ANKRD10: variants seen among roughly 807,000 people sequenced by gnomAD.
ANKRD10 encodes the protein ankyrin repeat domain 10.
A neutral mutation model predicts 27.0 loss-of-function variants in ANKRD10; 14 were observed. The observed-to-expected ratio is 0.52, with a 90% CI of 0.34 to 0.81. ANKRD10 has a LOEUF of 0.81. Among genes scored for constraint, ANKRD10 ranks in the 40% least tolerant of loss-of-function variants. The probability of loss-of-function intolerance (pLI) is 0.01; values close to 1 mark genes in which losing one functional copy is unlikely to be tolerated. For synonymous variants in ANKRD10, 250 were observed against 224.5 expected (o/e 1.11, Z -1.01); for missense variants, 493 against 544.0 (o/e 0.91, Z 0.93).
chr13:110,880,207 TTA>T (rs532775522), intron 5 of ANKRD10, 95 bp from the exon 6 acceptor site: 9 of 1,097,344 alleles, frequency 8.2e-6, no homozygotes, highest in Middle Eastern at 2.2e-4. Flanking sequence ...TTAAAGAATT[TTA>T]GTTTCTTTTT....
intron 2 of ANKRD10, 91 bp downstream of exon 2, chr13:110,910,523 CTAAT>C (rs1408270918): frequency 2.4e-5 from 35 of 1,472,096 alleles, no homozygotes; most frequent in Non-Finnish European, 3.1e-5. Flanking sequence ...ATATCAAACT[CTAAT>C]TAAGGCCTCG....
intron 4 of ANKRD10, 79 bp downstream of exon 4, chr13:110,892,949 G>A (rs562751034): frequency 6.4e-7 from 1 of 1,557,470 alleles, no homozygotes; most frequent in East Asian, 2.3e-5. Context: ...CATCTCGAAG[G>A]TGCGCTCAGC....
intron 3 of ANKRD10, among the ~76,000 whole-genome samples, chr13:110,902,297 AAT>A (rs1666281715): frequency 6.6e-6 from 1 of 152,226 alleles, no homozygotes. Flanking sequence ...ATTTAACACT[AAT>A]ATTAAATATG....
At chr13:110,898,772 TGAGACGGAGTTTCACTC>T (rs2065301537) in intron 3 of ANKRD10, among the ~76,000 whole-genome samples, 1 of 108,454 alleles carries the variant, frequency 9.2e-6, no homozygotes, top group Non-Finnish European at 2.1e-5. Context: ...TTTTTTTTTT[TGAGACGGAGTTTCACTC>T]TTGTTGCCTA....
chr13:110,906,078 C>A lies in ANKRD10; in HGVS notation c.410G>T (p.Ser137Ile). The part of the protein sequence containing the change: ...TPIHKAARSG[S>I]LECISALVAN... ...CACAAGGGCACTGATGCATTCTAGG[C>A]TCCCAGAGCGAGCTGCCTTGTGAAT... Residue 137 changes from serine to isoleucine, a missense_variant, in exon 3 of 6, where the codon AGC (serine) becomes ATC (isoleucine). By Grantham distance (142) the Ser-to-Ile change is moderately radical. Transcript: ENST00000267339. The A allele has an allele frequency of 6.2e-7, 1 of 1,605,040 alleles. No individual in the cohort carries two copies. The highest frequency in any genetic ancestry group is 8.5e-7 in the Non-Finnish European group (1 of 1,175,222).
chr13:110,879,783 A>G lies in ANKRD10; in HGVS notation c.1117T>C (p.Tyr373His). The G allele has an allele frequency of 6.2e-7, 1 of 1,614,242 alleles. No individual in the cohort carries two copies. Among genetic ancestry groups the G allele is most frequent in the Non-Finnish European group, 8.5e-7 (1 of 1,180,034 alleles). ...CCAAACCCGTGGTAGTGTCCATAGT[A>G]CAGGTTATCCCCAATGTCTTCCACC... ...SWVEDIGDNL[Y>H]YGHYHGFGDT... The change falls in exon 6 of 6, where the codon TAC becomes CAC. Residue 373 changes from tyrosine (Y) to histidine (H), a missense_variant. By Grantham distance (83) the Tyr-to-His change is moderately conservative (BLOSUM62 2). Transcript: ENST00000267339.
intron 2 of ANKRD10, among the ~76,000 whole-genome samples, chr13:110,908,219 A>T (rs190994757): frequency 1.2e-3 from 188 of 152,296 alleles, no homozygotes; most frequent in Middle Eastern, 0.01. Flanking sequence ...CATAAAGAAA[A>T]ATTTCATTTC....
chr13:110,913,041 G>GT (rs1467088600), intron 1 of ANKRD10, among the ~76,000 whole-genome samples: 1 of 152,222 alleles, frequency 6.6e-6, no homozygotes, highest in Non-Finnish European at 1.5e-5. Context: ...TTCAGTCGGT[G>GT]TTTTTTAAAA....
chr13:110,913,291 G>A (rs2065773926), intron 1 of ANKRD10, among the ~76,000 whole-genome samples: 1 of 152,334 alleles, frequency 6.6e-6, no homozygotes, highest in South Asian at 2.1e-4. Flanking sequence ...AGACACTCTG[G>A]AGGGAGGAAA....
At chr13:110,914,555 C>T (rs1446974072) in intron 1 of ANKRD10, 170 bp downstream of exon 1, 7 of 965,188 alleles carry the variant, frequency 7.3e-6, no homozygotes, top group East Asian at 6.7e-5. Context: ...GACTCCGGGC[C>T]GCGAGCGCTG....
intron 2 of ANKRD10, 69 bp downstream of exon 2, chr13:110,910,549 T>C (rs1566496140): frequency 6.4e-7 from 1 of 1,573,422 alleles, no homozygotes; most frequent in East Asian, 2.2e-5. Context: ...TTTAAAGCAA[T>C]ACCGTGTATA....
intron 3 of ANKRD10, among the ~76,000 whole-genome samples, chr13:110,897,569 C>A (rs2065262874): frequency 1.3e-5 from 2 of 152,038 alleles, no homozygotes; most frequent in Non-Finnish European, 2.9e-5. Context: ...AAATAGTATT[C>A]CACGGGGTAT....
chr13:110,887,199 T>C (rs1294521622), intron 4 of ANKRD10, among the ~76,000 whole-genome samples: 1 of 152,210 alleles, frequency 6.6e-6, no homozygotes, highest in Non-Finnish European at 1.5e-5. Context: ...TGCATTTGTA[T>C]TTTCATCTGA....
At chr13:110,880,455 C>T (rs1193686933) in intron 5 of ANKRD10, among the ~76,000 whole-genome samples, 1 of 152,040 alleles carries the variant, frequency 6.6e-6, no homozygotes, top group Admixed American at 6.6e-5. Context: ...CTTTCGAGAG[C>T]GGTTTTTAAA....
At chr13:110,898,848 C>T (rs1339911891) in intron 3 of ANKRD10, among the ~76,000 whole-genome samples, 1 of 151,094 alleles carries the variant, frequency 6.6e-6, no homozygotes, top group Admixed American at 6.6e-5. Flanking sequence ...CTCTGCCTCC[C>T]AGGTTCAAGA....
At chr13:110,891,994 T>C (rs1007769582) in intron 4 of ANKRD10, among the ~76,000 whole-genome samples, 19 of 150,618 alleles carry the variant, frequency 1.3e-4, no homozygotes, top group Admixed American at 9.3e-4. Context: ...ATTACAGGTA[T>C]GAGCCATGAC....
chr13:110,882,871 A>G (rs541995315), intron 5 of ANKRD10, among the ~76,000 whole-genome samples: 1 of 152,346 alleles, frequency 6.6e-6, no homozygotes, highest in East Asian at 1.9e-4. Context: ...GCATAAAGAC[A>G]TAATAAACTT....
At chr13:110,897,078 T>TA (rs1378047100) in intron 3 of ANKRD10, among the ~76,000 whole-genome samples, 3 of 152,150 alleles carry the variant, frequency 2.0e-5, no homozygotes, top group Admixed American at 6.5e-5. Context: ...AAATTACTGT[T>TA]AGTCACCCTA....
chr13:110,911,176 G>A (rs528516992), intron 1 of ANKRD10, among the ~76,000 whole-genome samples: 4 of 152,326 alleles, frequency 2.6e-5, no homozygotes, highest in South Asian at 4.1e-4. Flanking sequence ...TAGGCCGGGC[G>A]CAGTGGCTCA....
Sources: allele counts gnomAD v4.1 joint callset (sites outside exome capture counted in the v4.1 genomes callset), GRCh38; gene constraint gnomAD v4.1.1; transcripts MANE v1.5; gene names NCBI Gene and HGNC (gene_info 2026-07-23, HGNC 2026-07-21).